TRANK1: variants seen among roughly 807,000 people sequenced by gnomAD.
TRANK1 encodes the protein TPR and ankyrin repeat-containing protein 1.
In TRANK1, 198 loss-of-function variants were observed where a neutral mutation model predicts 266.0. The ratio of observed to expected loss-of-function variants is 0.74; its 90% CI spans 0.66 to 0.84. TRANK1 has a LOEUF of 0.84. Ranked by LOEUF, TRANK1 falls within the 40% of genes least tolerant of loss-of-function variation. The pLI, the probability that TRANK1 is intolerant of heterozygous loss-of-function variation, is 0.00. For synonymous variants in TRANK1, 1,396 were observed against 1,384.1 expected (o/e 1.01, Z -0.19); for missense variants, 3,326 against 3,634.6 (o/e 0.92, Z 2.18).
In TRANK1 at chr3:36,831,694, G is replaced by A. The variant is rs772901705; in HGVS notation, c.7889C>T (p.Ala2630Val). The A allele has an allele frequency of 6.2e-7, 1 of 1,613,972 alleles. No homozygotes were observed. The highest frequency in any genetic ancestry group is 2.2e-5 in the East Asian group (1 of 44,882). Residue 2630 changes from alanine (A) to valine (V), a missense_variant, in exon 22 of 24, where the codon GCA becomes GTA. Coordinates refer to ENST00000645898, the MANE Select transcript of TRANK1 (RefSeq NM_001329998.2). The surrounding 1 kb of genome is among the most constrained non-coding windows in gnomAD (Gnocchi z 5.0). ...CCGCTCAAAGAGCAGGTCCTGCAGT[G>A]CCTCAGCCACAGACTTCACATTGAC... Reference protein sequence around the residue: ...VAVNVKSVAEALQDLLFERDE... With the variant: ...VAVNVKSVAEVLQDLLFERDE...
At chr3:36,936,658 C>T (rs2080429707) in intron 1 of TRANK1, among the ~76,000 whole-genome samples, 2 of 152,146 alleles carry the variant, frequency 1.3e-5, no homozygotes, top group African/African-American at 4.8e-5. Context: ...TAAACTCAGG[C>T]TAAAAACAGC....
chr3:36,853,887 T>C (rs922471073), intron 13 of TRANK1, among the ~76,000 whole-genome samples: 1 of 152,234 alleles, frequency 6.6e-6, no homozygotes, highest in South Asian at 2.1e-4. Flanking sequence ...GTAACTGCTA[T>C]GATTATGGGT....
chr3:36,880,330 T>C, intron 8 of TRANK1: 1 of 401,638 alleles, frequency 2.5e-6, no homozygotes, highest in Non-Finnish European at 5.3e-6. Context: ...GATTCTCCAC[T>C]GCTGTCTGTG....
In TRANK1 at chr3:36,858,802, T is replaced by C; in HGVS notation, c.1588A>G (p.Lys530Glu). The C allele has an allele frequency of 6.5e-6, 10 of 1,537,230 alleles. No homozygotes were observed. The highest frequency in any genetic ancestry group is 8.7e-6 in the Non-Finnish European group (10 of 1,146,886). ...GAAATAGCACGGGGGTCTGCGCCCT[T>C]GGTCAAGAGAAGGAAAGCCAACTCG... ...DFELAFLLLT[K>E]GADPRAISLT... is the part of the protein sequence containing the mutation. Residue 530 changes from lysine to glutamate, a missense_variant, in exon 12 of 24, where the codon AAG becomes GAG. Coordinates refer to ENST00000645898, the MANE Select transcript of TRANK1 (RefSeq NM_001329998.2).
chr3:36,862,896 G>A (rs2079164191), intron 10 of TRANK1, among the ~76,000 whole-genome samples: 1 of 152,056 alleles, frequency 6.6e-6, no homozygotes, highest in Non-Finnish European at 1.5e-5. Flanking sequence ...ACTTTTATTA[G>A]GAGAGTCAAA....
intron 4 of TRANK1, among the ~76,000 whole-genome samples, chr3:36,898,790 G>T (rs2079832158): frequency 1.3e-5 from 2 of 151,012 alleles, no homozygotes; most frequent in African/African-American, 2.4e-5. Context: ...GGCAGAGCTT[G>T]CAGTGAGCCA....
Position 36,857,268 on chromosome 3 carries a change from G to A in TRANK1, c.2454C>T (p.Ser818=), listed in dbSNP as rs759243135. ...GGAGGCAGGCCTCAATCTCCTGCGT[G>A]CTCCAGTCATCCTGATCATCATTGC... ...KEGNDDQDDW[S]TQEIEACLQD... is the part of the protein sequence containing the mutation. Residue 818 remains serine (S), a synonymous_variant, in exon 13 of 24, where the codon AGC becomes AGT. Transcript: ENST00000645898. The surrounding 1 kb of genome is among the most constrained non-coding windows in gnomAD (Gnocchi z 4.3). 10 of 1,611,108 alleles carry A rather than the reference G, an allele frequency of 6.2e-6. No individual in the cohort carries two copies. The South Asian group carries it at 1.1e-4, about 18-fold the overall frequency.
At chr3:36,885,449 C>G (rs1485509882) in intron 8 of TRANK1, among the ~76,000 whole-genome samples, 1 of 152,152 alleles carries the variant, frequency 6.6e-6, no homozygotes, top group Non-Finnish European at 1.5e-5. Context: ...CTACAGAACA[C>G]TAAGGAGACA....
chr3:36,945,185 T>C, upstream of TRANK1: 1 of 235,376 alleles, frequency 4.2e-6, no homozygotes, highest in Non-Finnish European at 8.2e-6. Context: ...ATGGTATGGC[T>C]CTCGGCCGCC....
intron 1 of TRANK1, among the ~76,000 whole-genome samples, chr3:36,918,468 GA>G (rs1469277854): frequency 9.6e-5 from 3 of 31,136 alleles, no homozygotes; most frequent in Non-Finnish European, 2.0e-4. Flanking sequence ...AGAAAGAAAA[GA>G]AGAAAGAAAG....
chr3:36,836,033 C>T (rs1438077234), intron 20 of TRANK1, among the ~76,000 whole-genome samples: 2 of 152,160 alleles, frequency 1.3e-5, no homozygotes, highest in Non-Finnish European at 2.9e-5. Context: ...ACTTTACTGA[C>T]AATCAGAAGA....
chr3:36,841,083 C>T (rs186415037), intron 18 of TRANK1, among the ~76,000 whole-genome samples: 1 of 152,350 alleles, frequency 6.6e-6, no homozygotes, highest in African/African-American at 2.4e-5. Context: ...ATACCTCACA[C>T]TGTGGCTTCT....
chr3:36,933,324 T>A (rs1308888897), intron 1 of TRANK1, among the ~76,000 whole-genome samples: 1 of 152,274 alleles, frequency 6.6e-6, no homozygotes, highest in African/African-American at 2.4e-5. Flanking sequence ...TGTGCTGTCA[T>A]GGCGACTGGC....
intron 17 of TRANK1, among the ~76,000 whole-genome samples, chr3:36,844,126 C>T (rs543039136): frequency 1.3e-5 from 2 of 152,222 alleles, no homozygotes; most frequent in East Asian, 3.9e-4. Context: ...CTTAATGCTG[C>T]CAAAACATAA....
upstream of TRANK1, chr3:36,945,192 C>A (rs1559486293): frequency 1.3e-5 from 3 of 223,888 alleles, no homozygotes. Context: ...GGCTCTCGGC[C>A]GCCTTTGAAT....
chr3:36,927,201 C>G (rs1437799111), intron 1 of TRANK1, among the ~76,000 whole-genome samples: 2 of 152,156 alleles, frequency 1.3e-5, no homozygotes, highest in African/African-American at 2.4e-5. Context: ...ACTAACAATC[C>G]TAGGTAGGGC....
chr3:36,842,631 C>T lies in TRANK1; in HGVS notation c.5271G>A (p.Gln1757=). ...TAGTCCAACCCCTTACCTTCCAGCACTGGTGCTTGGCGTAGTAATCTCCCT... is the reference window on the plus strand; with the variant it reads ...TAGTCCAACCCCTTACCTTCCAGCATTGGTGCTTGGCGTAGTAATCTCCCT... ...IAQGDYYAKH[Q]CWKVAAKCYQ... is the part of the protein sequence containing the mutation. Residue 1757 remains glutamine (Q), a synonymous_variant, in exon 18 of 24, where the codon CAG becomes CAA. Transcript: ENST00000645898. The T allele has an allele frequency of 6.2e-7, 1 of 1,613,948 alleles. No individual in the cohort carries two copies. The highest frequency in any genetic ancestry group is 2.2e-5 in the East Asian group (1 of 44,884).
intron 15 of TRANK1, among the ~76,000 whole-genome samples, chr3:36,848,819 A>G (rs2078948650): frequency 6.6e-6 from 1 of 152,202 alleles, no homozygotes; most frequent in South Asian, 2.1e-4. Flanking sequence ...AGAAGACACA[A>G]GTGTTTGACA....
chr3:36,899,087 A>G, intron 4 of TRANK1, 22 bp downstream of exon 4: 4 of 1,535,904 alleles, frequency 2.6e-6, no homozygotes, highest in Non-Finnish European at 3.5e-6. Flanking sequence ...CTTTACAAAA[A>G]GTCTCCCCAG....
Sources: gnomAD v4.1 joint callset for allele counts (sites outside exome capture counted in the v4.1 genomes callset) on GRCh38, gnomAD v4.1.1 for gene constraint, Gnocchi (gnomAD v3.1) non-coding constraint, MANE v1.5 for transcripts, NCBI Gene and HGNC (gene_info 2026-07-23, HGNC 2026-07-21) for gene names.